Variants in MTRES1 observed in about 807,000 individuals in gnomAD.
MTRES1 encodes the protein uncharacterized protein C6orf203.
In MTRES1, 11 loss-of-function variants were observed where a neutral mutation model predicts 17.4. The observed-to-expected ratio is 0.63, with a 90% CI of 0.40 to 1.05. MTRES1 has a LOEUF of 1.05. MTRES1 is among the 50% of genes least tolerant of loss of function. The probability of loss-of-function intolerance (pLI) is 0.00; values close to 1 mark genes in which losing one functional copy is unlikely to be tolerated. For synonymous variants in MTRES1, 94 were observed against 99.6 expected (o/e 0.94, Z 0.34); for missense variants, 268 against 276.2 (o/e 0.97, Z 0.21).
At chr6:107,046,389 A>G (rs901350685) in intron 3 of MTRES1, among the ~76,000 whole-genome samples, 1 of 124,470 alleles carries the variant, frequency 8.0e-6, no homozygotes, top group Admixed American at 1.2e-4. Context: ...CTGCTGCTTC[A>G]TTCTGCCTTG....
At chr6:107,049,563 G>A (rs368451547) in intron 3 of MTRES1, among the ~76,000 whole-genome samples, 3 of 151,574 alleles carry the variant, frequency 2.0e-5, no homozygotes, top group Non-Finnish European at 2.9e-5. Flanking sequence ...ACAGGCGCCC[G>A]CCACCACACC....
rs375760861 is a variant in MTRES1, at chr6:107,028,835, C to T, written c.-13+564C>T. Reference sequence around the variant, plus strand: ...TGTATACCTCTCCTGAAGATGTCACCCAAAACCTCCTATGGGATTCTGCCG... The same window carrying T: ...TGTATACCTCTCCTGAAGATGTCACTCAAAACCTCCTATGGGATTCTGCCG... On this transcript the variant is annotated intron_variant, in intron 1 of 3. Transcript: ENST00000311381. The T allele has an allele frequency of 8.2e-6, 8 of 975,998 alleles. No homozygotes were observed. The African/African-American group carries it at 1.2e-4, about 15-fold the overall frequency. 60.5% of individuals were successfully genotyped at this position (975,998 alleles called of 1,614,324 possible).
At chr6:107,049,720 CTTTTTTTT>C in intron 3 of MTRES1, among the ~76,000 whole-genome samples, 1 of 98,792 alleles carries the variant, frequency 1.0e-5, no homozygotes, top group Non-Finnish European at 2.1e-5. Context: ...GCCGGCCCTT[CTTTTTTTT>C]TTTTTTTTTT....
At chr6:107,041,098 C>T (rs192047349) in intron 2 of MTRES1, among the ~76,000 whole-genome samples, 1,682 of 150,470 alleles carry the variant, frequency 0.011, 59 homozygotes, top group African/African-American at 0.039. Flanking sequence ...TGGTGGCAGG[C>T]GCCTGTAGTC....
chr6:107,030,110 A>G lies in MTRES1; in HGVS notation c.-13+1839A>G, dbSNP rs782532011. The G allele has an allele frequency of 4.2e-6, 3 of 718,244 alleles. No homozygotes were observed. The African/African-American group carries it at 5.2e-5, about 13-fold the overall frequency. The allele number at this position is 718,244 out of a possible 1,614,324, so 44.5% of individuals were successfully genotyped here. On this transcript the variant is annotated intron_variant, in intron 1 of 3. Transcript: ENST00000311381. ...CCCAGATTAGTGCTTGGCACATGGT[A>G]AGTGCTTAATTAAGGGGAGGATGCC...
At position 107,051,348 on chromosome 6, in the gene MTRES1, C is replaced by G. The variant is rs781834876; in HGVS notation, c.*112C>G. ...TTCTCTTAGCGTTTGTGGAATCTGC[C>G]GAGCCATTTTGTGGAAATTGGGATC... On this transcript the variant is annotated 3_prime_UTR_variant, in exon 4 of 4. Coordinates refer to ENST00000311381, the MANE Select transcript of MTRES1 (RefSeq NM_016487.5). 22 of 998,674 alleles carry G rather than the reference C, an allele frequency of 2.2e-5. No homozygotes were observed. Among genetic ancestry groups the G allele is most frequent in the African/African-American group, 6.6e-5 (4 of 60,834 alleles). The allele number at this position is 998,674 out of a possible 1,614,324, so 61.9% of individuals were successfully genotyped here. A position where few individuals can be genotyped will look rare whatever the true frequency, so the allele number is the denominator to read the frequency against.
At chr6:107,049,614 C>T (rs371555014) in intron 3 of MTRES1, among the ~76,000 whole-genome samples, 10 of 151,758 alleles carry the variant, frequency 6.6e-5, no homozygotes, top group East Asian at 1.9e-4. Flanking sequence ...GGGGTTTCAC[C>T]GTGTTAGCCA....
intron 1 of MTRES1, among the ~76,000 whole-genome samples, chr6:107,035,363 A>C (rs1285881804): frequency 6.6e-6 from 1 of 152,078 alleles, no homozygotes; most frequent in Non-Finnish European, 1.5e-5. Flanking sequence ...TCCCAAACTC[A>C]GGTCATCAGT....
At chr6:107,037,317 G>T (rs145521440) in intron 1 of MTRES1, among the ~76,000 whole-genome samples, 1 of 151,914 alleles carries the variant, frequency 6.6e-6, no homozygotes, top group Non-Finnish European at 1.5e-5. Context: ...TGATCTGCCC[G>T]CCTCAGCCTC....
At chr6:107,042,691 G>A (rs78482372) in intron 2 of MTRES1, among the ~76,000 whole-genome samples, 2 of 152,138 alleles carry the variant, frequency 1.3e-5, no homozygotes, top group African/African-American at 4.8e-5. Context: ...CATACATGTG[G>A]TGCCTGGTTT....
chr6:107,047,902 C>A (rs968304360), intron 3 of MTRES1, among the ~76,000 whole-genome samples: 1 of 151,598 alleles, frequency 6.6e-6, no homozygotes, highest in Non-Finnish European at 1.5e-5. Flanking sequence ...AGAAAACAAA[C>A]AAAAAAAGAA....
At chr6:107,038,135 A>T (rs1260798624) in intron 1 of MTRES1, among the ~76,000 whole-genome samples, 1 of 152,160 alleles carries the variant, frequency 6.6e-6, no homozygotes, top group Non-Finnish European at 1.5e-5. Flanking sequence ...GGATTAATAG[A>T]GTTGAGACTG....
At position 107,048,574 on chromosome 6, in the gene MTRES1, G is replaced by A. The variant is rs559431803; in HGVS notation, c.544-2483G>A. Among the ~76,000 whole-genome samples, 39 of 151,688 alleles carry A rather than the reference G, an allele frequency of 2.6e-4. No individual in the cohort carries two copies. The South Asian group carries it at 8.1e-3, about 32-fold the overall frequency. On this transcript the variant is annotated intron_variant, in intron 3 of 3. Coordinates refer to ENST00000311381, the MANE Select transcript of MTRES1 (RefSeq NM_016487.5). ...AGGCAGGTGGATCATGAGGTCAAGA[G>A]ATCAAGACCATTCTGGCCAACATGA... is the stretch of plus-strand genomic sequence containing the variant.
intron 1 of MTRES1, among the ~76,000 whole-genome samples, chr6:107,029,310 C>T (rs1194890299): frequency 1.3e-5 from 2 of 152,128 alleles, no homozygotes; most frequent in African/African-American, 4.8e-5. Context: ...GCCTCAGCCT[C>T]CCGAGTAGCT....
At chr6:107,046,477 TG>T (rs1774395174) in intron 3 of MTRES1, among the ~76,000 whole-genome samples, 1 of 152,186 alleles carries the variant, frequency 6.6e-6, no homozygotes, top group Non-Finnish European at 1.5e-5. Flanking sequence ...AACGCTCAGC[TG>T]TCTTGTTACT....
At chr6:107,045,685 C>A (rs1774368541) in intron 3 of MTRES1, among the ~76,000 whole-genome samples, 1 of 151,910 alleles carries the variant, frequency 6.6e-6, no homozygotes, top group Non-Finnish European at 1.5e-5. Flanking sequence ...AAAAACAATA[C>A]TGATAATAAA....
At chr6:107,033,824 A>C (rs1448613730) in intron 1 of MTRES1, among the ~76,000 whole-genome samples, 1 of 151,744 alleles carries the variant, frequency 6.6e-6, no homozygotes, top group African/African-American at 2.4e-5. Context: ...TCTCAAAAAT[A>C]ATAATAATAA....
chr6:107,049,647 T>C (rs1554228899), intron 3 of MTRES1, among the ~76,000 whole-genome samples: 1 of 151,374 alleles, frequency 6.6e-6, no homozygotes, highest in African/African-American at 2.4e-5. Flanking sequence ...TCTCCTGACC[T>C]TATGATCTGC....
rs35093769 is a variant in MTRES1 at position 107,029,191 on chromosome 6, A to ATTTTTTTTTTTT, written c.-13+923_-13+934dup. Among the ~76,000 whole-genome samples, 314 of 98,810 alleles carry ATTTTTTTTTTTT rather than the reference A, an allele frequency of 3.2e-3. 8 individuals are homozygous for ATTTTTTTTTTTT. Among genetic ancestry groups the ATTTTTTTTTTTT allele is most frequent in the Middle Eastern group, 0.012 (2 of 166 alleles). The allele number at this position is 98,810 out of a possible 152,430, so 64.8% of individuals were successfully genotyped here. Reference sequence around the variant, plus strand: ...CAGGCGCACACCGCCACACCCGGCTATTTTTTTTTTTTTTGAGACGCAGTC... The same window carrying ATTTTTTTTTTTT: ...CAGGCGCACACCGCCACACCCGGCTATTTTTTTTTTTTTTTTTTTTTTTTTTGAGACGCAGTC... On this transcript the variant is annotated intron_variant, in intron 1 of 3. Coordinates refer to ENST00000311381, the MANE Select transcript of MTRES1 (RefSeq NM_016487.5).
Sources: allele counts gnomAD v4.1 joint callset (sites outside exome capture counted in the v4.1 genomes callset), GRCh38; gene constraint gnomAD v4.1.1; transcripts MANE v1.5; gene names NCBI Gene and HGNC (gene_info 2026-07-23, HGNC 2026-07-21).